SGCD: variants seen among roughly 807,000 people sequenced by gnomAD.
SGCD encodes the protein delta-sarcoglycan.
Under a neutral mutation model 36.6 loss-of-function variants are expected in SGCD, and 18 were observed. The observed-to-expected ratio is 0.49, with a 90% confidence interval of 0.34 to 0.73. The LOEUF (loss-of-function observed/expected upper bound fraction) is 0.73, where lower values mean the gene tolerates loss of function less well. SGCD is among the 30% of genes least tolerant of loss of function. SGCD has a pLI of 0.01. For missense variants in SGCD, 387 were observed against 346.7 expected, an observed-to-expected ratio of 1.12 and a Z score of -0.92; for synonymous variants, 133 against 130.6, an observed-to-expected ratio of 1.02 and a Z score of -0.12.
At chr5:156,349,526 A>T (rs1360759531) in intron 3 of SGCD, among the ~76,000 whole-genome samples, 1 of 152,146 alleles carries the variant, frequency 6.6e-6, no homozygotes, top group African/African-American at 2.4e-5. Context: ...GAGAAATGCA[A>T]ATTAAAACCA....
At chr5:155,731,990 T>C in the SGCD span, among the ~76,000 whole-genome samples, 11 of 152,372 alleles carry the variant, frequency 7.2e-5, no homozygotes, top group African/African-American at 2.6e-4. Flanking sequence ...AGCTTATTTC[T>C]TGTGAATTTC....
intron 1 of SGCD, among the ~76,000 whole-genome samples, chr5:156,077,102 C>T (rs561691484): frequency 4.6e-5 from 7 of 152,182 alleles, no homozygotes; most frequent in Admixed American, 3.3e-4. Flanking sequence ...TTTTCTGGAT[C>T]GTCACGTGAC....
chr5:156,695,263 A>T (rs1754265823), intron 7 of SGCD, among the ~76,000 whole-genome samples: 1 of 152,046 alleles, frequency 6.6e-6, no homozygotes, highest in Admixed American at 6.6e-5. Context: ...TGAGACTAAC[A>T]TTTTAAATGG....
chr5:156,530,675 G>A (rs375618117), intron 4 of SGCD, among the ~76,000 whole-genome samples: 4 of 151,590 alleles, frequency 2.6e-5, no homozygotes, highest in East Asian at 1.9e-4. Flanking sequence ...CACCTCCCTG[G>A]TTCAAGCAAC....
chr5:156,280,158 A>T (rs1204581831), intron 3 of SGCD, among the ~76,000 whole-genome samples: 1 of 152,096 alleles, frequency 6.6e-6, no homozygotes, highest in Non-Finnish European at 1.5e-5. Context: ...CTGTGTTTTA[A>T]TGATAATTAA....
intron 6 of SGCD, among the ~76,000 whole-genome samples, chr5:156,597,818 T>C (rs937403960): frequency 1.6e-4 from 25 of 152,216 alleles, no homozygotes; most frequent in East Asian, 9.6e-4. Context: ...TGCAGTATTA[T>C]ATTTACACCT....
chr5:156,296,947 C>A (rs1561606130), intron 3 of SGCD, among the ~76,000 whole-genome samples: 2 of 151,860 alleles, frequency 1.3e-5, no homozygotes, highest in Non-Finnish European at 2.9e-5. Flanking sequence ...TATATACACA[C>A]ACATACACAC....
At chr5:156,580,474 G>C (rs1300781350) in intron 4 of SGCD, among the ~76,000 whole-genome samples, 1 of 152,232 alleles carries the variant, frequency 6.6e-6, no homozygotes, top group South Asian at 2.1e-4. Context: ...TGCTAGGTTG[G>C]GGAACACTCC....
At chr5:155,902,587 G>A (rs1402035744) in intron 1 of SGCD, among the ~76,000 whole-genome samples, 1 of 152,126 alleles carries the variant, frequency 6.6e-6, no homozygotes, top group Non-Finnish European at 1.5e-5. Flanking sequence ...AGGAACCCCA[G>A]TGTGGTCCCC....
chr5:155,772,747 G>A, the SGCD span, among the ~76,000 whole-genome samples: 1 of 152,014 alleles, frequency 6.6e-6, no homozygotes, highest in African/African-American at 2.4e-5. Context: ...CTAAGAAAAG[G>A]GGAATGAGTT....
At chr5:156,499,757 G>C (rs371986864) in intron 3 of SGCD, among the ~76,000 whole-genome samples, 20 of 152,174 alleles carry the variant, frequency 1.3e-4, no homozygotes, top group East Asian at 5.8e-4. Context: ...GTGTGCTAAA[G>C]ATTATATTAA....
chr5:155,766,089 T>C, the SGCD span, among the ~76,000 whole-genome samples: 22 of 152,024 alleles, frequency 1.4e-4, no homozygotes, highest in Admixed American at 1.2e-3. Context: ...GGGTAGAAGA[T>C]GTGAAAGGTA....
chr5:156,608,439 T>A (rs1263691447), intron 6 of SGCD, among the ~76,000 whole-genome samples: 1 of 152,216 alleles, frequency 6.6e-6, no homozygotes, highest in Non-Finnish European at 1.5e-5. Context: ...TCTTTTACAT[T>A]TGCTGAGGAG....
At chr5:156,436,985 G>A (rs1180728525) in intron 3 of SGCD, among the ~76,000 whole-genome samples, 5 of 152,038 alleles carry the variant, frequency 3.3e-5, no homozygotes, top group African/African-American at 1.2e-4. Flanking sequence ...GAAAAGTCCT[G>A]GCTGTCATTT....
chr5:156,488,926 A>G lies in SGCD; in HGVS notation c.193-19675A>G, dbSNP rs60250194. Among the ~76,000 whole-genome samples, 1,492 of 152,242 alleles carry G rather than the reference A, an allele frequency of 9.8e-3. 28 individuals carry two copies. Among genetic ancestry groups the G allele is most frequent in the African/African-American group, 0.034 (1,410 of 41,574 alleles). Reference sequence around the variant, plus strand: ...GGATTGAACTTTCCACTGAAAACATATAGACTGGTTGAATGGATTAAAATT... The same window carrying G: ...GGATTGAACTTTCCACTGAAAACATGTAGACTGGTTGAATGGATTAAAATT... On this transcript the variant is annotated intron_variant, in intron 3 of 8. Transcript: ENST00000337851.
intron 3 of SGCD, among the ~76,000 whole-genome samples, chr5:156,270,306 C>T (rs1766141435): frequency 6.6e-6 from 1 of 152,142 alleles, no homozygotes; most frequent in East Asian, 1.9e-4. Context: ...AGCATGATGC[C>T]TCCAGCTTTG....
the SGCD span, among the ~76,000 whole-genome samples, chr5:155,828,197 A>G: frequency 2.6e-5 from 4 of 152,242 alleles, no homozygotes; most frequent in South Asian, 4.1e-4. Context: ...CTACCTATCT[A>G]CGGGGTTATG....
At chr5:155,947,995 A>C (rs1014729749) in intron 1 of SGCD, among the ~76,000 whole-genome samples, 4 of 152,122 alleles carry the variant, frequency 2.6e-5, no homozygotes, top group Admixed American at 2.0e-4. Context: ...TTAAAGTTCT[A>C]GCCTGGCACG....
chr5:156,590,937 G>A (rs1760701149), intron 5 of SGCD, among the ~76,000 whole-genome samples: 1 of 149,904 alleles, frequency 6.7e-6, no homozygotes, highest in African/African-American at 2.5e-5. Context: ...CCCTCCTCCT[G>A]TGTCACTATT....
Sources: allele counts gnomAD v4.1 joint callset (sites outside exome capture counted in the v4.1 genomes callset), GRCh38; gene constraint gnomAD v4.1.1; transcripts MANE v1.5; gene names NCBI Gene and HGNC (gene_info 2026-07-23, HGNC 2026-07-21).